The following TMEM67 variants were observed in gnomAD, a reference collection of about 807,000 sequenced individuals.
TMEM67 encodes the protein meckelin.
A neutral mutation model predicts 136.6 loss-of-function variants in TMEM67; 124 were observed. That is an observed-to-expected ratio of 0.91 (90% CI 0.78 to 1.05). The LOEUF is 1.05. Among genes scored for constraint, TMEM67 ranks in the 50% least tolerant of loss-of-function variants. The pLI is 0.00. For synonymous variants in TMEM67, 364 were observed against 390.5 expected (o/e 0.93, Z 0.80); for missense variants, 1,107 against 1,178.4 (o/e 0.94, Z 0.89).
chr8:93,778,531 C>A (rs1813663767), intron 7 of TMEM67, among the ~76,000 whole-genome samples: 1 of 152,130 alleles, frequency 6.6e-6, no homozygotes. Context: ...CCTTCAGGAG[C>A]TTATGTAAGG....
rs73694969 is a variant in TMEM67, at chr8:93,809,422, A to G, written c.2661+261A>G. 0.015 allele frequency among the ~76,000 whole-genome samples: 2,224 copies of G among 152,298 alleles called. 60 individuals carry two copies. The highest frequency in any genetic ancestry group is 0.048 in the African/African-American group (2,013 of 41,572). ...AAAATGAAATTTTATGTGTCTGTTAACATAATCATGATTCCCTTAAACTAT... is the reference window on the plus strand; with the variant it reads ...AAAATGAAATTTTATGTGTCTGTTAGCATAATCATGATTCCCTTAAACTAT... On this transcript the variant is annotated intron_variant, in intron 25 of 27. Coordinates refer to ENST00000453321, the MANE Select transcript of TMEM67 (RefSeq NM_153704.6).
At chr8:93,769,751 C>G (rs918404373) in intron 6 of TMEM67, 1 of 162,148 alleles carries the variant, frequency 6.2e-6, no homozygotes, top group Non-Finnish European at 1.5e-5. Flanking sequence ...TAAACTTAGA[C>G]GAGATTAGAT....
intron 3 of TMEM67, chr8:93,762,827 G>T (rs143828818): frequency 7.5e-5 from 22 of 292,156 alleles, no homozygotes; most frequent in South Asian, 4.6e-4. Context: ...AACATAAGTG[G>T]TATGTTTGCA....
intron 6 of TMEM67, among the ~76,000 whole-genome samples, chr8:93,766,310 G>A (rs1813081199): frequency 6.6e-6 from 1 of 152,016 alleles, no homozygotes; most frequent in Admixed American, 6.6e-5. Flanking sequence ...AGTAGAGATG[G>A]GATTTCACTG....
chr8:93,798,015 C>T (rs913877997), intron 20 of TMEM67, among the ~76,000 whole-genome samples: 5 of 151,904 alleles, frequency 3.3e-5, no homozygotes, highest in Non-Finnish European at 7.4e-5. Flanking sequence ...AGTAGTGTTA[C>T]GTACATTCAC....
At chr8:93,786,140 A>T in intron 12 of TMEM67, 83 bp from the exon 13 acceptor site, 1 of 1,352,740 alleles carries the variant, frequency 7.4e-7, no homozygotes, top group Non-Finnish European at 1.0e-6. Flanking sequence ...TTATACTAGT[A>T]GCTTTTTGCA....
chr8:93,761,476 A>G (rs572374775), intron 3 of TMEM67, among the ~76,000 whole-genome samples: 1 of 152,350 alleles, frequency 6.6e-6, no homozygotes, highest in African/African-American at 2.4e-5. Context: ...GCTCTCATCT[A>G]GAAATTTCTC....
intron 2 of TMEM67, 97 bp downstream of exon 2, chr8:93,755,963 AC>A (rs2130529657): frequency 1.4e-6 from 1 of 733,010 alleles, no homozygotes; most frequent in African/African-American, 1.8e-5. Flanking sequence ...ATGTTTCCCC[AC>A]AGACTTTAAA....
intron 26 of TMEM67, among the ~76,000 whole-genome samples, chr8:93,814,760 T>C (rs1220481794): frequency 6.6e-6 from 1 of 151,986 alleles, no homozygotes; most frequent in Non-Finnish European, 1.5e-5. Flanking sequence ...GTGCTGGAAT[T>C]ACAGGCATGA....
chr8:93,780,504 C>A, intron 7 of TMEM67, 89 bp from the exon 8 acceptor site: 3 of 1,487,440 alleles, frequency 2.0e-6, no homozygotes, highest in South Asian at 1.1e-5. Flanking sequence ...CATCTTGGAA[C>A]AGACCTGCAC....
In TMEM67 at chr8:93,816,059, G is replaced by T. The variant is rs568556809; in HGVS notation, c.2908-313G>T. 3.9e-5 allele frequency among the ~76,000 whole-genome samples: 6 copies of T among 152,286 alleles called. No homozygotes were observed. In the South Asian group the frequency reaches 1.2e-3, roughly 32 times the overall value. On this transcript the variant is annotated intron_variant, in intron 27 of 27. Transcript: ENST00000453321. ...GAAGAAATTCTATCTCTAGTGAGTA[G>T]ATTCTTTTGATGTTTCCGTAGTTTT... is the stretch of plus-strand genomic sequence containing the variant.
Position 93,809,889 on chromosome 8 carries a change from T to G in TMEM67, c.2764+2T>G. The G allele has an allele frequency of 6.4e-7, 1 of 1,563,898 alleles. No individual in the cohort carries two copies. Among genetic ancestry groups the G allele is most frequent in the Admixed American group, 1.7e-5 (1 of 59,866 alleles). On this transcript the variant is annotated splice_donor_variant, in intron 26 of 27. Coordinates refer to ENST00000453321, the MANE Select transcript of TMEM67 (RefSeq NM_153704.6). LOFTEE classifies it high-confidence loss of function. ...TGGAAAAAAGCATCTTTTACAATGG[T>G]ATCTTCTAAATCCCTTTGTAGAACT...
At chr8:93,826,922 C>G in the TMEM67 span, among the ~76,000 whole-genome samples, 2 of 152,178 alleles carry the variant, frequency 1.3e-5, no homozygotes, top group African/African-American at 4.8e-5. Context: ...CTCTGCCTCC[C>G]AGGCTCAAGC....
At chr8:93,790,187 A>G (rs778705540) in intron 14 of TMEM67, among the ~76,000 whole-genome samples, 9 of 152,194 alleles carry the variant, frequency 5.9e-5, no homozygotes, top group Non-Finnish European at 7.3e-5. Context: ...CTGTTGCAAA[A>G]TTTTACATCA....
chr8:93,815,519 A>G (rs1808873343), intron 27 of TMEM67, 72 bp downstream of exon 27: 5 of 1,379,868 alleles, frequency 3.6e-6, no homozygotes, highest in Non-Finnish European at 5.1e-6. Flanking sequence ...AGATATTTTC[A>G]TAGCAGAGAG....
At chr8:93,829,361 G>GCTCTCTCT in the TMEM67 span, among the ~76,000 whole-genome samples, 12 of 148,518 alleles carry the variant, frequency 8.1e-5, no homozygotes, top group African/African-American at 2.7e-4. Context: ...CTTTATGAGT[G>GCTCTCTCT]CTCTCTCTCT....
chr8:93,797,534 A>G lies in TMEM67; in HGVS notation c.2100+64A>G, dbSNP rs1447645316. The G allele has an allele frequency of 3.4e-6, 5 of 1,480,772 alleles. No individual in the cohort carries two copies. In the African/African-American group the frequency reaches 7.0e-5, roughly 21 times the overall value. The allele number at this position is 1,480,772 out of a possible 1,614,324, so 91.7% of individuals were successfully genotyped here. A position where few individuals can be genotyped will look rare whatever the true frequency, so the allele number is the denominator to read the frequency against. ...TACCTTATAAATATTAAACTAATAT[A>G]ATTCCAACTAAGTTTTCATGACAGT... On this transcript the variant is annotated intron_variant, in intron 20 of 27. Transcript: ENST00000453321.
chr8:93,773,858 C>A (rs1409188440), intron 7 of TMEM67, among the ~76,000 whole-genome samples: 2 of 151,850 alleles, frequency 1.3e-5, no homozygotes, highest in Admixed American at 1.3e-4. Context: ...TTCCTTAGTT[C>A]TTCTTTCAGT....
chr8:93,826,304 T>TATTTTTAGTAGAG, the TMEM67 span, among the ~76,000 whole-genome samples: 2 of 151,928 alleles, frequency 1.3e-5, no homozygotes, highest in African/African-American at 4.8e-5. Flanking sequence ...TAGTTTTTTG[T>TATTTTTAGTAGAG]ATTTTTAGTA....
Sources: allele counts gnomAD v4.1 joint callset (sites outside exome capture counted in the v4.1 genomes callset), GRCh38; gene constraint gnomAD v4.1.1; transcripts MANE v1.5; gene names NCBI Gene and HGNC (gene_info 2026-07-23, HGNC 2026-07-21).